The following PHACTR2 variants were observed in gnomAD, a reference collection of about 807,000 sequenced individuals.
PHACTR2 encodes the protein chromosome 6 open reading frame 56.
In PHACTR2, 30 loss-of-function variants were observed where a neutral mutation model predicts 76.0. The observed-to-expected ratio is 0.39, with a 90% confidence interval of 0.30 to 0.54. PHACTR2 has a LOEUF of 0.54. Among genes scored for constraint, PHACTR2 ranks in the 20% least tolerant of loss-of-function variants. PHACTR2 has a pLI of 0.61. For missense variants in PHACTR2, 696 were observed against 781.1 expected (o/e 0.89, Z 1.30); for synonymous variants, 292 against 292.5 (o/e 1.00, Z 0.02).
In PHACTR2 at chr6:143,652,392, GTT is replaced by G. The variant is rs1357051062; in HGVS notation, c.13+44072_13+44073del. On this transcript the variant is annotated intron_variant, in intron 1 of 11. Transcript: ENST00000305766. The surrounding 1 kb of genome is among the most constrained non-coding windows in gnomAD (Gnocchi z 4.5). ...GCTAGACAAAGGTACCTGCGCTGCT[GTT>G]TGTTTGTTTGTTTGTTTGTTTGTTT... 7.2e-6 allele frequency among the ~76,000 whole-genome samples: 1 copy of G among 139,278 alleles called. No homozygotes were observed. The highest frequency in any genetic ancestry group is 1.7e-5 in the Non-Finnish European group (1 of 59,918). The allele number at this position is 139,278 out of a possible 152,430, so 91.4% of individuals were successfully genotyped here.
rs2295201 is a variant in PHACTR2 at position 143,772,403 on chromosome 6, A to G, written c.1378A>G (p.Ile460Val). The G allele has an allele frequency of 1.4e-4, 226 of 1,614,178 alleles. 1 individual carries two copies. In the East Asian group the frequency reaches 4.9e-3, roughly 35 times the overall value. The change falls in exon 7 of 13, where the codon ATC becomes GTC. Residue 460 changes from isoleucine (I) to valine (V), a missense_variant. Coordinates refer to ENST00000440869, the MANE Select transcript of PHACTR2 (RefSeq NM_001100164.2). The surrounding 1 kb of genome is among the most constrained non-coding windows in gnomAD (Gnocchi z 5.4). ...CAATGACTCTGACTCGGACGGGCCT[A>G]TCTTGTACACCGATGATGAGGACGA... ...QANDSDSDGP[I>V]LYTDDEDEDE...
At chr6:143,747,839 G>A (rs972574710) in intron 2 of PHACTR2, among the ~76,000 whole-genome samples, 1 of 152,094 alleles carries the variant, frequency 6.6e-6, no homozygotes, top group Non-Finnish European at 1.5e-5. Context: ...TTAATTTTAC[G>A]CACCTTCTTG....
chr6:143,660,976 C>A (rs965991521), intron 1 of PHACTR2, among the ~76,000 whole-genome samples: 2 of 152,254 alleles, frequency 1.3e-5, no homozygotes, highest in East Asian at 1.9e-4. Flanking sequence ...AAATAACCCA[C>A]AAATTTTAAG....
intron 1 of PHACTR2, among the ~76,000 whole-genome samples, chr6:143,665,374 T>C (rs986741588): frequency 6.6e-6 from 1 of 152,230 alleles, no homozygotes; most frequent in Non-Finnish European, 1.5e-5. Flanking sequence ...TAGGTATACA[T>C]TGATTTGTTC....
chr6:143,701,108 A>G (rs1472200728), intron 1 of PHACTR2, among the ~76,000 whole-genome samples: 2 of 152,246 alleles, frequency 1.3e-5, no homozygotes, highest in African/African-American at 4.8e-5. Flanking sequence ...TAATCTGTTA[A>G]ATATCCTGTA....
At chr6:143,749,142 T>A in intron 3 of PHACTR2, 77 bp downstream of exon 3, 1 of 771,210 alleles carries the variant, frequency 1.3e-6, no homozygotes, top group Non-Finnish European at 2.3e-6. Context: ...TTTTGAAATT[T>A]AAAGGGATCA....
intron 1 of PHACTR2, among the ~76,000 whole-genome samples, chr6:143,574,758 G>A (rs1775486484): frequency 6.7e-6 from 1 of 150,238 alleles, no homozygotes. Context: ...TTTTCCAAGA[G>A]CCCAAAGGAC....
intron 11 of PHACTR2, among the ~76,000 whole-genome samples, chr6:143,797,138 A>G (rs1775845384): frequency 6.6e-6 from 1 of 152,128 alleles, no homozygotes; most frequent in South Asian, 2.1e-4. Context: ...TCTGGTTTTG[A>G]TTTGCATTTC....
At chr6:143,687,333 G>GT (rs1253663469) in intron 1 of PHACTR2, among the ~76,000 whole-genome samples, 4 of 152,256 alleles carry the variant, frequency 2.6e-5, no homozygotes, top group Non-Finnish European at 5.9e-5. Context: ...AACAAGAATT[G>GT]TAAGAATTGG....
rs571006524 is a variant in PHACTR2 at position 143,730,704 on chromosome 6, G to C, written c.215-18281G>C. ...TATCCATGCTTTGTTCCTATTCTTA[G>C]GGGGAAAGCATTCATTAAGTATGAT... On this transcript the variant is annotated intron_variant, in intron 2 of 12. Transcript: ENST00000440869. The surrounding 1 kb of genome is among the most constrained non-coding windows in gnomAD (Gnocchi z 4.8). 6.6e-6 allele frequency among the ~76,000 whole-genome samples: 1 copy of C among 152,244 alleles called. No homozygotes were observed. Among genetic ancestry groups the C allele is most frequent in the East Asian group, 1.9e-4 (1 of 5,184 alleles).
chr6:143,579,117 C>A (rs111305171), intron 1 of PHACTR2, among the ~76,000 whole-genome samples: 1 of 152,120 alleles, frequency 6.6e-6, no homozygotes, highest in African/African-American at 2.4e-5. Context: ...TTGCCCAGGA[C>A]GGTCTTGAAC....
In PHACTR2 at chr6:143,796,419, G is replaced by C. The variant is rs200173709; in HGVS notation, c.1845+7509G>C. ...TCTTTCTTTCTTTCTTTCTTTCTTT[G>C]TTTTTATTATACTTTAAGTTCTGGG... On this transcript the variant is annotated intron_variant, in intron 11 of 12. Coordinates refer to ENST00000440869, the MANE Select transcript of PHACTR2 (RefSeq NM_001100164.2). 2.9e-4 allele frequency among the ~76,000 whole-genome samples: 32 copies of C among 108,522 alleles called. 1 individual carries two copies. The South Asian group carries it at 5.9e-3, about 20-fold the overall frequency. 71.2% of individuals were successfully genotyped at this position (108,522 alleles called of 152,430 possible). A position where few individuals can be genotyped will look rare whatever the true frequency, so the allele number is the denominator to read the frequency against.
chr6:143,810,570 T>C (rs973528214), intron 12 of PHACTR2: 4 of 454,350 alleles, frequency 8.8e-6, no homozygotes, highest in Non-Finnish European at 1.8e-5. Flanking sequence ...ATTATTTGAT[T>C]TGACTATCCA....
In PHACTR2 at chr6:143,760,547, G is replaced by A. The variant is rs760407816; in HGVS notation, c.601G>A (p.Val201Met). The stretch of plus-strand genomic sequence containing the variant: ...TGGGGCCAGCCACAAAGGTGATGAA[G>A]TGCCTCCCATTAAAAAAAATACCAA... The part of the protein sequence containing the change: ...TAGASHKGDE[V>M]PPIKKNTKAP... The change falls in exon 5 of 13, where the codon GTG (valine) becomes ATG (methionine). Residue 201 changes from valine (V) to methionine (M), a missense_variant. Physicochemically the swap from Val to Met is conservative, Grantham distance 21. This residue lies in a region of PHACTR2 where 460 missense variants were observed against 450.9 expected (regional missense o/e 1.02). Coordinates refer to ENST00000440869, the MANE Select transcript of PHACTR2 (RefSeq NM_001100164.2). This position sits in a 1 kb window ranked among gnomAD's most constrained non-coding sequence, Gnocchi z 6.4. The A allele has an allele frequency of 6.2e-7, 1 of 1,613,840 alleles. No homozygotes were observed. Among genetic ancestry groups the A allele is most frequent in the South Asian group, 1.1e-5 (1 of 91,070 alleles).
At chr6:143,568,104 T>A (rs1416208) in intron 1 of PHACTR2, among the ~76,000 whole-genome samples, 94,006 of 151,572 alleles carry the variant, frequency 0.62, 29,483 homozygotes, top group Middle Eastern at 0.72. Flanking sequence ...TTGATTTTTT[T>A]AAAAAAATCC....
chr6:143,632,543 C>A (rs748348403), intron 1 of PHACTR2, among the ~76,000 whole-genome samples: 2 of 152,122 alleles, frequency 1.3e-5, no homozygotes, highest in Non-Finnish European at 2.9e-5. Flanking sequence ...TATGGACATC[C>A]ACCACTAGAA....
chr6:143,753,866 A>G lies in PHACTR2; in HGVS notation c.408A>G (p.Val136=). The G allele has an allele frequency of 2.5e-6, 4 of 1,611,604 alleles. No homozygotes were observed. The highest frequency in any genetic ancestry group is 1.7e-4 in the Middle Eastern group (1 of 6,050). Residue 136 remains valine (V), a synonymous_variant, in exon 4 of 13, where the codon GTA becomes GTG. Transcript: ENST00000440869. This position sits in a 1 kb window ranked among gnomAD's most constrained non-coding sequence, Gnocchi z 4.6. ...VVKSEEGNGS[V]SEKTPPLEEQ... The stretch of plus-strand genomic sequence containing the variant: ...AGTCTGAAGAAGGTAATGGCTCTGT[A>G]TCTGAAAAAACACCACCTCTGGAGG...
In PHACTR2 at chr6:143,618,240, T is replaced by C. The variant is rs1776089286; in HGVS notation, c.13+9918T>C. On this transcript the variant is annotated intron_variant, in intron 1 of 11. Coordinates refer to the PHACTR2 transcript ENST00000305766. The surrounding 1 kb of genome is among the most constrained non-coding windows in gnomAD (Gnocchi z 5.2). ...TAGAGAAATAGGTCCTGTTCCACCT[T>C]GTACTTCCTGCTCCAAACACACACA... Among the ~76,000 whole-genome samples, 1 of 144,532 alleles carries C rather than the reference T, an allele frequency of 6.9e-6. No individual in the cohort carries two copies. Among genetic ancestry groups the C allele is most frequent in the South Asian group, 2.2e-4 (1 of 4,496 alleles). 94.8% of individuals were successfully genotyped at this position (144,532 alleles called of 152,430 possible). A position where few individuals can be genotyped will look rare whatever the true frequency, so the allele number is the denominator to read the frequency against.
In PHACTR2 at chr6:143,678,107, T is replaced by G. The variant is rs1172283136; in HGVS notation, c.-57T>G. On this transcript the variant is annotated 5_prime_UTR_variant, in exon 1 of 13. It removes an upstream start codon present in the reference 5' UTR. Transcript: ENST00000440869. This position sits in a 1 kb window ranked among gnomAD's most constrained non-coding sequence, Gnocchi z 6.2. ...GGAAGTCTGGCTGGGAGCGGACCCA[T>G]GATCGAAGGACCAAAGGAGCCGCTT... The G allele has an allele frequency of 1.5e-5, 23 of 1,545,000 alleles. No homozygotes were observed. Among genetic ancestry groups the G allele is most frequent in the Non-Finnish European group, 1.9e-5 (22 of 1,144,546 alleles).
Sources: allele counts gnomAD v4.1 joint callset (sites outside exome capture counted in the v4.1 genomes callset), GRCh38; gene constraint gnomAD v4.1.1; regional missense constraint gnomAD v4.1.1; non-coding constraint Gnocchi (gnomAD v3.1); transcripts MANE v1.5; gene names NCBI Gene and HGNC (gene_info 2026-07-23, HGNC 2026-07-21).